IGFL4: variants seen among roughly 807,000 people sequenced by gnomAD.
IGFL4 encodes the protein insulin growth factor-like family member 4.
IGFL4 carries 12 observed loss-of-function variants against 15.4 expected under a neutral mutation model. That is an observed-to-expected ratio of 0.78 (90% CI 0.50 to 1.26). The LOEUF (loss-of-function observed/expected upper bound fraction) is 1.26, where lower values mean the gene tolerates loss of function less well. Ranked by LOEUF, IGFL4 falls within the 50% of genes most tolerant of loss-of-function variation. The pLI is 0.00. For synonymous variants in IGFL4, 54 were observed against 55.9 expected (o/e 0.97, Z 0.16); for missense variants, 126 against 147.8 (o/e 0.85, Z 0.76).
chr19:46,041,510 CTG>C (rs985616129), upstream of IGFL4, among the ~76,000 whole-genome samples: 2 of 151,980 alleles, frequency 1.3e-5, no homozygotes, highest in African/African-American at 4.8e-5. Flanking sequence ...GGCTGCAAAA[CTG>C]TGCCAGGGAG....
chr19:46,071,161 C>T (rs1414675092), intron 1 of IGFL4, among the ~76,000 whole-genome samples: 6 of 150,512 alleles, frequency 4.0e-5, no homozygotes, highest in Non-Finnish European at 8.9e-5. Context: ...TTTTTCTCTG[C>T]CTATGTGTAT....
intron 2 of IGFL4, among the ~76,000 whole-genome samples, chr19:46,049,846 G>A (rs1600671500): frequency 6.6e-6 from 1 of 152,186 alleles, no homozygotes; most frequent in East Asian, 1.9e-4. Context: ...CCTCCTGGCT[G>A]GAGGCCAACC....
At chr19:46,041,047 C>T (rs1325992466), upstream of IGFL4, 4 of 1,292,014 alleles carry the variant, frequency 3.1e-6, no homozygotes, top group Middle Eastern at 1.9e-4. Flanking sequence ...AGGATATGAA[C>T]TTACCGCCAT....
intron 2 of IGFL4, among the ~76,000 whole-genome samples, chr19:46,050,747 GA>G (rs1218541944): frequency 6.6e-6 from 1 of 152,196 alleles, no homozygotes; most frequent in Non-Finnish European, 1.5e-5. Context: ...AAACATATTT[GA>G]GGGAATAATT....
upstream of IGFL4, among the ~76,000 whole-genome samples, chr19:46,042,005 A>T (rs969218111): frequency 6.6e-6 from 1 of 151,568 alleles, no homozygotes; most frequent in African/African-American, 2.4e-5. Flanking sequence ...GGCCTGGCTA[A>T]TTTTTTTGTA....
chr19:46,050,374 G>A (rs1220805876), intron 2 of IGFL4, among the ~76,000 whole-genome samples: 1 of 152,082 alleles, frequency 6.6e-6, no homozygotes, highest in Non-Finnish European at 1.5e-5. Flanking sequence ...GCCAACCAAG[G>A]AGGCACCAGA....
chr19:46,065,498 G>C (rs1232305047), intron 1 of IGFL4, among the ~76,000 whole-genome samples: 3 of 152,144 alleles, frequency 2.0e-5, no homozygotes, highest in Non-Finnish European at 4.4e-5. Context: ...TAGTAGAGAC[G>C]GGGTTTCAAC....
chr19:46,055,595 G>GA (rs954012214), intron 2 of IGFL4, among the ~76,000 whole-genome samples: 65 of 151,718 alleles, frequency 4.3e-4, no homozygotes, highest in African/African-American at 1.4e-3. Context: ...TACCTATATT[G>GA]AAAAAAAACT....
chr19:46,047,029 G>T (rs540945260), intron 2 of IGFL4, among the ~76,000 whole-genome samples: 213 of 152,198 alleles, frequency 1.4e-3, no homozygotes, highest in African/African-American at 4.9e-3. Context: ...AAAAGCAAAA[G>T]AACTGAAGTC....
At position 46,040,912 on chromosome 19, in the gene IGFL4, A is replaced by T. The variant is rs1969235956; in HGVS notation, c.19+32T>A. The T allele has an allele frequency of 2.2e-5, 35 of 1,573,620 alleles. No homozygotes were observed. The highest frequency in any genetic ancestry group is 3.0e-5 in the Non-Finnish European group (35 of 1,155,614). ...AATTAGGGATGTGATATCATTAGGG[A>T]TTAGCTTAGCCTAGGGCTGGGGTCT... On this transcript the variant is annotated intron_variant, in intron 1 of 3. Coordinates refer to ENST00000377697, the MANE Select transcript of IGFL4 (RefSeq NM_001002923.3). This position sits in a 1 kb window ranked among gnomAD's most constrained non-coding sequence, Gnocchi z 4.1.
intron 1 of IGFL4, among the ~76,000 whole-genome samples, chr19:46,070,467 A>T (rs1232088200): frequency 6.6e-6 from 1 of 151,930 alleles, no homozygotes; most frequent in Non-Finnish European, 1.5e-5. Flanking sequence ...TGCTCACAAT[A>T]CCAAGCATTA....
At chr19:46,062,571 G>A (rs533522390) in intron 1 of IGFL4, among the ~76,000 whole-genome samples, 20 of 152,280 alleles carry the variant, frequency 1.3e-4, no homozygotes, top group South Asian at 4.1e-4. Context: ...CTGCCACATC[G>A]TTACAAGGTT....
At chr19:46,060,216 A>T (rs1027452001) in exon 2 of IGFL4, 11 of 152,226 alleles carry the variant, frequency 7.2e-5, no homozygotes, top group Non-Finnish European at 2.9e-5. Context: ...GAAATCAGGC[A>T]GAGAGAAACA....
chr19:46,064,679 C>G (rs898315798), intron 1 of IGFL4, among the ~76,000 whole-genome samples: 2 of 152,130 alleles, frequency 1.3e-5, no homozygotes, highest in African/African-American at 2.4e-5. Context: ...CTAAATAGTA[C>G]TCCATTTTGT....
At chr19:46,072,294 G>A (rs1056218296) in intron 1 of IGFL4, among the ~76,000 whole-genome samples, 4 of 152,130 alleles carry the variant, frequency 2.6e-5, no homozygotes, top group Admixed American at 2.0e-4. Context: ...CAGCAGTTCC[G>A]CAGAACTAAG....
At chr19:46,074,753 A>G (rs989526890) in intron 1 of IGFL4, among the ~76,000 whole-genome samples, 4 of 152,116 alleles carry the variant, frequency 2.6e-5, no homozygotes, top group African/African-American at 9.7e-5. Flanking sequence ...GCCTTTCCCA[A>G]CCCACTGACC....
chr19:46,075,733 G>T (rs1010702751), intron 1 of IGFL4, among the ~76,000 whole-genome samples: 1 of 152,140 alleles, frequency 6.6e-6, no homozygotes, highest in African/African-American at 2.4e-5. Context: ...ACTCTTTGGA[G>T]CCAGGTCATT....
intron 1 of IGFL4, among the ~76,000 whole-genome samples, chr19:46,067,994 G>A (rs566335537): frequency 6.6e-6 from 1 of 152,296 alleles, no homozygotes; most frequent in East Asian, 1.9e-4. Flanking sequence ...GGTTTCAGGT[G>A]TGAACTCTGA....
chr19:46,074,353 A>T (rs745889341), intron 1 of IGFL4, among the ~76,000 whole-genome samples: 2 of 151,800 alleles, frequency 1.3e-5, no homozygotes, highest in Non-Finnish European at 2.9e-5. Flanking sequence ...CGTGTGAGTT[A>T]ACACTACTTA....
Sources: gnomAD v4.1 joint callset for allele counts (sites outside exome capture counted in the v4.1 genomes callset) on GRCh38, gnomAD v4.1.1 for gene constraint, Gnocchi (gnomAD v3.1) non-coding constraint, MANE v1.5 for transcripts, NCBI Gene and HGNC (gene_info 2026-07-23, HGNC 2026-07-21) for gene names.